Variants in MIA2 observed in about 807,000 individuals in gnomAD.
MIA2 encodes MIA SH3 domain ER export factor 2.
MIA2 carries 127 observed loss-of-function variants against 167.8 expected under a neutral mutation model. The observed-to-expected ratio is 0.76, with a 90% CI of 0.66 to 0.88. The LOEUF (loss-of-function observed/expected upper bound fraction) is 0.88. MIA2 is among the 40% of genes least tolerant of loss of function. MIA2 has a pLI of 0.00. For missense variants in MIA2, 1,690 were observed against 1,624.7 expected (o/e 1.04, Z -0.69); for synonymous variants, 552 against 541.9 (o/e 1.02, Z -0.26).
chr14:39,234,422 CA>C (rs1459710009), intron 1 of MIA2, among the ~76,000 whole-genome samples, 193 bp downstream of exon 1: 2 of 151,966 alleles, frequency 1.3e-5, no homozygotes, highest in Non-Finnish European at 2.9e-5. Context: ...TACAAATATA[CA>C]AATAGCAAAA....
intron 23 of MIA2, among the ~76,000 whole-genome samples, chr14:39,375,461 C>G (rs979133058): frequency 4.6e-5 from 7 of 152,076 alleles, no homozygotes; most frequent in Admixed American, 4.6e-4. Flanking sequence ...TTTGGGAGGA[C>G]GAGGCAGACG....
intron 3 of MIA2, among the ~76,000 whole-genome samples, chr14:39,246,278 A>G (rs1227002976): frequency 6.6e-6 from 1 of 151,786 alleles, no homozygotes; most frequent in Non-Finnish European, 1.5e-5. Context: ...TGTATTTTTT[A>G]GTAGAGATGG....
chr14:39,249,241 A>G (rs953749050), intron 4 of MIA2, among the ~76,000 whole-genome samples: 8 of 152,054 alleles, frequency 5.3e-5, no homozygotes, highest in African/African-American at 1.7e-4. Flanking sequence ...CCAGGGCTCA[A>G]TCTATCCCTC....
At chr14:39,339,512 G>A (rs191476670) in intron 25 of MIA2, among the ~76,000 whole-genome samples, 1 of 152,200 alleles carries the variant, frequency 6.6e-6, no homozygotes, top group Non-Finnish European at 1.5e-5. Context: ...GGATCTATGT[G>A]CTATAGTTTG....
At chr14:39,383,596 T>C (rs2075212498) in intron 23 of MIA2, among the ~76,000 whole-genome samples, 1 of 152,210 alleles carries the variant, frequency 6.6e-6, no homozygotes, top group African/African-American at 2.4e-5. Flanking sequence ...GATTGTTTCA[T>C]GAGGAAGGCA....
chr14:39,304,427 C>T (rs1297192527), intron 17 of MIA2, 46 bp downstream of exon 17: 4 of 1,006,832 alleles, frequency 4.0e-6, no homozygotes, highest in Non-Finnish European at 5.9e-6. Flanking sequence ...TAAGTAAGTA[C>T]ATCTCTTGGC....
intron 24 of MIA2, among the ~76,000 whole-genome samples, chr14:39,325,588 C>T (rs1004269658): frequency 5.3e-5 from 8 of 151,260 alleles, no homozygotes; most frequent in Admixed American, 2.6e-4. Context: ...AGGATGGTCT[C>T]GATCTCCTGA....
chr14:39,386,564 TTTG>T, intron 23 of MIA2: 2 of 1,195,150 alleles, frequency 1.7e-6, no homozygotes, highest in Non-Finnish European at 2.4e-6. Flanking sequence ...TTTTGGTCTC[TTTG>T]TTATCATCAC....
intron 23 of MIA2, among the ~76,000 whole-genome samples, chr14:39,358,037 T>C (rs1455638740): frequency 3.3e-5 from 5 of 152,150 alleles, no homozygotes; most frequent in Non-Finnish European, 7.4e-5. Context: ...TGTCTTGGAG[T>C]TGCTCTTCTC....
At chr14:39,384,448 A>G (rs2075230361) in intron 23 of MIA2, among the ~76,000 whole-genome samples, 1 of 152,204 alleles carries the variant, frequency 6.6e-6, no homozygotes, top group Non-Finnish European at 1.5e-5. Context: ...TGTGAACACA[A>G]CACCCATTCT....
At chr14:39,237,388 AAAGTGCCAGGATTACAGGTGT>A in intron 2 of MIA2, 1 of 308,592 alleles carries the variant, frequency 3.2e-6, no homozygotes, top group South Asian at 2.8e-5. Context: ...TCGGCCTCCC[AAAGTGCCAGGATTACAGGTGT>A]GAGCCACCGC....
At chr14:39,262,049 A>T (rs1778591542) in intron 6 of MIA2, among the ~76,000 whole-genome samples, 1 of 152,112 alleles carries the variant, frequency 6.6e-6, no homozygotes, top group African/African-American at 2.4e-5. Context: ...GTTGTTTTAG[A>T]CATGAAGTCC....
chr14:39,239,244 C>G (rs959061033), intron 2 of MIA2, among the ~76,000 whole-genome samples: 1 of 152,126 alleles, frequency 6.6e-6, no homozygotes, highest in Non-Finnish European at 1.5e-5. Flanking sequence ...GCTTCTGGTG[C>G]CTTTAAAATG....
At chr14:39,380,597 G>A (rs1432629605) in intron 23 of MIA2, among the ~76,000 whole-genome samples, 2 of 151,410 alleles carry the variant, frequency 1.3e-5, no homozygotes, top group Non-Finnish European at 2.9e-5. Context: ...GGAGGCTGAG[G>A]CAGGAGAATT....
chr14:39,350,533 G>T lies in MIA2; in HGVS notation c.*269G>T. The T allele has an allele frequency of 3.3e-6, 1 of 299,732 alleles. No individual in the cohort carries two copies. The highest frequency in any genetic ancestry group is 6.1e-6 in the Non-Finnish European group (1 of 164,726). 18.6% of individuals were successfully genotyped at this position (299,732 alleles called of 1,614,324 possible). A position where few individuals can be genotyped will look rare whatever the true frequency, so the allele number is the denominator to read the frequency against. ...GGAGTTTTATATATGTAATCTTTCA[G>T]GTGGGGAGGCTTTAAATTCTGAAGT... On this transcript the variant is annotated 3_prime_UTR_variant, in exon 29 of 29. Coordinates refer to ENST00000640607, the MANE Select transcript of MIA2 (RefSeq NM_001329214.4).
intron 24 of MIA2, among the ~76,000 whole-genome samples, chr14:39,326,583 T>G (rs1014651582): frequency 2.0e-5 from 3 of 150,460 alleles, no homozygotes; most frequent in African/African-American, 7.3e-5. Context: ...AGCAACAAAA[T>G]CATTTATGCT....
chr14:39,311,842 T>C (rs1182166469), intron 18 of MIA2, among the ~76,000 whole-genome samples: 1 of 150,510 alleles, frequency 6.6e-6, no homozygotes, highest in Non-Finnish European at 1.5e-5. Flanking sequence ...GTGTGTTTTT[T>C]TTTTTGAGAT....
At chr14:39,380,691 C>CAAAAA (rs145179098) in intron 23 of MIA2, among the ~76,000 whole-genome samples, 7 of 85,046 alleles carry the variant, frequency 8.2e-5, no homozygotes, top group Non-Finnish European at 1.1e-4. Context: ...GACTCAGACT[C>CAAAAA]AAAAAAAAAA....
Position 39,313,327 on chromosome 14 carries a change from T to G in MIA2, c.3018-13T>G. The G allele has an allele frequency of 1.5e-6, 2 of 1,374,376 alleles. No homozygotes were observed. Among genetic ancestry groups the G allele is most frequent in the Non-Finnish European group, 2.0e-6 (2 of 979,944 alleles). The allele number at this position is 1,374,376 out of a possible 1,614,324, so 85.1% of individuals were successfully genotyped here. ...CATGTATTAAGAGAATTATAACATT[T>G]TTTGTTTTTAAGGAAATTAACAGTA... On this transcript the variant is annotated splice_polypyrimidine_tract_variant and intron_variant, in intron 18 of 28. Coordinates refer to ENST00000640607, the MANE Select transcript of MIA2 (RefSeq NM_001329214.4).
Sources: gnomAD v4.1 joint callset for allele counts (sites outside exome capture counted in the v4.1 genomes callset) on GRCh38, gnomAD v4.1.1 for gene constraint, MANE v1.5 for transcripts, NCBI Gene and HGNC (gene_info 2026-07-23, HGNC 2026-07-21) for gene names.